Variants in KLHL24 observed in about 807,000 individuals in gnomAD.
KLHL24 encodes kelch-like protein 24.
KLHL24 carries 29 observed loss-of-function variants against 53.4 expected under a neutral mutation model. The observed-to-expected ratio is 0.54, with a 90% confidence interval of 0.40 to 0.74. KLHL24 has a LOEUF of 0.74. Among genes scored for constraint, KLHL24 ranks in the 30% least tolerant of loss-of-function variants. KLHL24 has a pLI of 0.00. For missense variants in KLHL24, 504 were observed against 744.0 expected (o/e 0.68, Z 3.75); for synonymous variants, 222 against 253.7 (o/e 0.88, Z 1.19).
At position 183,684,481 on chromosome 3, in the gene KLHL24, C is replaced by T. The variant is rs1712998663; in HGVS notation, c.*5195C>T. On this transcript the variant is annotated 3_prime_UTR_variant, in exon 8 of 8. Transcript: ENST00000242810. The stretch of plus-strand genomic sequence containing the variant: ...ATAAAATGTCTTTTAACCATTATTA[C>T]TTGACTATATGGTTGTATTAAATTT... 1 of 152,440 alleles carries T rather than the reference C, an allele frequency of 6.6e-6. No homozygotes were observed. Among genetic ancestry groups the T allele is most frequent in the Admixed American group, 6.6e-5 (1 of 15,264 alleles). The allele number at this position is 152,440 out of a possible 1,614,324, so 9.4% of individuals were successfully genotyped here.
intron 2 of KLHL24, among the ~76,000 whole-genome samples, chr3:183,646,674 G>C (rs991078790): frequency 6.6e-6 from 1 of 152,180 alleles, no homozygotes; most frequent in African/African-American, 2.4e-5. Context: ...GGAAGGTTAA[G>C]TGCTAATTGA....
intron 5 of KLHL24, among the ~76,000 whole-genome samples, chr3:183,668,368 C>T (rs149138651): frequency 8.3e-4 from 126 of 152,110 alleles, no homozygotes; most frequent in African/African-American, 3.0e-3. Flanking sequence ...CTTGAAGATA[C>T]CCAAAGCTTA....
At chr3:183,641,502 T>C (rs1291623735) in intron 1 of KLHL24, among the ~76,000 whole-genome samples, 1 of 151,130 alleles carries the variant, frequency 6.6e-6, no homozygotes, top group Non-Finnish European at 1.5e-5. Flanking sequence ...AAAGATTTAC[T>C]ATATTGCAAT....
In KLHL24 at chr3:183,650,386, C is replaced by T. The variant is rs1488114447; in HGVS notation, c.30C>T (p.Asn10=). The change falls in exon 3 of 8, where the codon AAC becomes AAT. Residue 10 remains asparagine, a synonymous_variant. Transcript: ENST00000242810. This position sits in a 1 kb window ranked among gnomAD's most constrained non-coding sequence, Gnocchi z 4.5. MVLILGRRL[N]REDLGVRDSP... is the part of the protein sequence containing the mutation. ...TACTAATATTGGGACGCAGACTAAA[C>T]AGAGAGGATCTTGGGGTGCGTGATT... The T allele has an allele frequency of 3.1e-6, 5 of 1,613,814 alleles. No individual in the cohort carries two copies. Among genetic ancestry groups the T allele is most frequent in the Admixed American group, 1.7e-5 (1 of 59,976 alleles).
intron 3 of KLHL24, among the ~76,000 whole-genome samples, chr3:183,652,803 C>T (rs556472401): frequency 6.6e-6 from 1 of 152,258 alleles, no homozygotes; most frequent in South Asian, 2.1e-4. Context: ...ACACAGTATC[C>T]CTCTAAAGGG....
chr3:183,641,576 CTTTCT>C (rs960551380), intron 1 of KLHL24, among the ~76,000 whole-genome samples: 3 of 68,762 alleles, frequency 4.4e-5, no homozygotes, highest in Admixed American at 4.2e-4. Flanking sequence ...CTTGGTTAAC[CTTTCT>C]TTTCATCTCC....
At chr3:183,661,038 C>T (rs1576938529) in intron 3 of KLHL24, among the ~76,000 whole-genome samples, 1 of 71,298 alleles carries the variant, frequency 1.4e-5, no homozygotes, top group South Asian at 3.1e-4. Flanking sequence ...GCACTCCAGC[C>T]TGGGCGACAG....
intron 6 of KLHL24, among the ~76,000 whole-genome samples, chr3:183,671,538 G>T (rs1721327157): frequency 6.6e-6 from 1 of 152,198 alleles, no homozygotes; most frequent in South Asian, 2.1e-4. Context: ...ACAAAACACA[G>T]TTGAGAAGTG....
intron 1 of KLHL24, among the ~76,000 whole-genome samples, chr3:183,638,841 C>G (rs7431540): frequency 0.33 from 50,470 of 151,864 alleles, 9,189 homozygotes; most frequent in African/African-American, 0.49. Context: ...TGCCTATATT[C>G]ATCATCCCAG....
chr3:183,679,194 A>G lies in KLHL24; in HGVS notation c.1711A>G (p.Ile571Val). 1 of 1,613,998 alleles carries G rather than the reference A, an allele frequency of 6.2e-7. No individual in the cohort carries two copies. Among genetic ancestry groups the G allele is most frequent in the Non-Finnish European group, 8.5e-7 (1 of 1,179,860 alleles). Residue 571 changes from isoleucine (I) to valine (V), a missense_variant, in exon 8 of 8, where the codon ATC (isoleucine) becomes GTC (valine). Ile to Val is a conservative substitution (Grantham distance 29). Coordinates refer to ENST00000242810, the MANE Select transcript of KLHL24 (RefSeq NM_017644.3). ...TCTCTGTTATGATCCTGCAACAAGTATCATCACAGGGGTAGCTGCAATGCC... is the reference window on the plus strand; with the variant it reads ...TCTCTGTTATGATCCTGCAACAAGTGTCATCACAGGGGTAGCTGCAATGCC... ...TILCYDPATS[I>V]ITGVAAMPRP...
chr3:183,678,040 G>A (rs375743091), intron 7 of KLHL24, among the ~76,000 whole-genome samples: 48 of 152,186 alleles, frequency 3.2e-4, no homozygotes, highest in African/African-American at 1.0e-3. Context: ...TGATCCACCT[G>A]CCTCGGCCTC....
chr3:183,679,284 T>G lies in KLHL24; in HGVS notation c.1801T>G (p.Ter601GlyextTer11). The G allele has an allele frequency of 6.2e-7, 1 of 1,612,808 alleles. No individual in the cohort carries two copies. The highest frequency in any genetic ancestry group is 1.7e-5 in the Admixed American group (1 of 59,992). Residue 601 changes from the stop codon to glycine, a stop_lost, in exon 8 of 8, where the codon TGA becomes GGA. Transcript: ENST00000242810. Reference protein sequence around the residue: ...HRYNEKCFKL* With the variant: ...HRYNEKCFKLG Reference sequence around the variant, plus strand: ...ATACAATGAGAAATGCTTTAAACTCTGAAGACAGGATACCTCACCGAAGAA... The same window carrying G: ...ATACAATGAGAAATGCTTTAAACTCGGAAGACAGGATACCTCACCGAAGAA...
intron 1 of KLHL24, among the ~76,000 whole-genome samples, chr3:183,642,200 CATTG>C (rs1314097090): frequency 6.6e-6 from 1 of 152,200 alleles, no homozygotes; most frequent in Non-Finnish European, 1.5e-5. Flanking sequence ...TGCATCCCTG[CATTG>C]ATTCAGGATC....
chr3:183,673,050 A>T (rs1387952621), intron 7 of KLHL24: 2 of 151,772 alleles, frequency 1.3e-5, no homozygotes, highest in Non-Finnish European at 2.9e-5. Context: ...AAAATAAAAT[A>T]AAAAATTAGC....
intron 3 of KLHL24, among the ~76,000 whole-genome samples, chr3:183,661,250 C>CA (rs892804920): frequency 2.0e-5 from 3 of 151,382 alleles, no homozygotes; most frequent in African/African-American, 4.9e-5. Context: ...GAAAGAAAAA[C>CA]AAAAAAAGAA....
At chr3:183,655,036 G>A (rs771544842) in intron 3 of KLHL24, among the ~76,000 whole-genome samples, 5 of 152,240 alleles carry the variant, frequency 3.3e-5, no homozygotes, top group African/African-American at 9.6e-5. Flanking sequence ...TCCAATGTAC[G>A]GTTAAGTTAT....
At chr3:183,671,263 C>A in intron 6 of KLHL24, 41 bp downstream of exon 6, 1 of 1,552,776 alleles carries the variant, frequency 6.4e-7, no homozygotes, top group Non-Finnish European at 8.8e-7. Flanking sequence ...ATATTAAGTA[C>A]AAGAAGGGAA....
chr3:183,658,830 G>A (rs1266875360), intron 3 of KLHL24, among the ~76,000 whole-genome samples: 2 of 142,964 alleles, frequency 1.4e-5, no homozygotes, highest in Admixed American at 7.1e-5. Context: ...TCAGGTTCTC[G>A]CTCTGGTCGC....
rs998603979 is a variant in KLHL24, at chr3:183,683,475, T to C, written c.*4189T>C. On this transcript the variant is annotated 3_prime_UTR_variant, in exon 8 of 8. Coordinates refer to ENST00000242810, the MANE Select transcript of KLHL24 (RefSeq NM_017644.3). The stretch of plus-strand genomic sequence containing the variant: ...TGCCAAGTAACCAGAATGGAGCAAA[T>C]TGGTTGATCTTTAAGGCAGTAGGTT... The C allele has an allele frequency of 2.0e-5, 3 of 152,590 alleles. No homozygotes were observed. Among genetic ancestry groups the C allele is most frequent in the East Asian group, 1.9e-4 (1 of 5,204 alleles). The allele number at this position is 152,590 out of a possible 1,614,324, so 9.5% of individuals were successfully genotyped here.
Sources: gnomAD v4.1 joint callset for allele counts (sites outside exome capture counted in the v4.1 genomes callset) on GRCh38, gnomAD v4.1.1 for gene constraint, Gnocchi (gnomAD v3.1) non-coding constraint, MANE v1.5 for transcripts, NCBI Gene and HGNC (gene_info 2026-07-23, HGNC 2026-07-21) for gene names.